The following EDIL3 variants were observed in gnomAD, a reference collection of about 807,000 sequenced individuals.
The protein encoded by EDIL3 is EGF like and discoidin domains 3.
A neutral mutation model predicts 67.4 loss-of-function variants in EDIL3; 37 were observed. The ratio of observed to expected loss-of-function variants is 0.55; its 90% CI spans 0.42 to 0.72. EDIL3 has a LOEUF of 0.72. EDIL3 is among the 30% of genes least tolerant of loss of function. The pLI is 0.00. For synonymous variants in EDIL3, 195 were observed against 196.3 expected, an observed-to-expected ratio of 0.99 and a Z score of 0.05; for missense variants, 527 against 586.3, an observed-to-expected ratio of 0.90 and a Z score of 1.04.
At chr5:83,994,473 T>C (rs1253351865) in intron 9 of EDIL3, among the ~76,000 whole-genome samples, 3 of 152,132 alleles carry the variant, frequency 2.0e-5, no homozygotes, top group African/African-American at 4.8e-5. Context: ...TTCAAAAATC[T>C]ATTTTTTCTC....
intron 9 of EDIL3, among the ~76,000 whole-genome samples, chr5:83,985,088 T>C (rs1745037135): frequency 6.6e-6 from 1 of 151,984 alleles, no homozygotes; most frequent in African/African-American, 2.4e-5. Context: ...CATTCCAGCC[T>C]AAATAAAAGG....
intron 1 of EDIL3, 37 bp downstream of exon 1, chr5:84,384,271 C>T (rs542178093): frequency 6.2e-7 from 1 of 1,601,482 alleles, no homozygotes; most frequent in Admixed American, 1.7e-5. Context: ...ACTCCCAGCC[C>T]ATCCCTCACC....
chr5:83,943,552 A>C lies in EDIL3; in HGVS notation c.1310T>G (p.Phe437Cys), dbSNP rs201681404. The C allele has an allele frequency of 3.0e-5, 49 of 1,612,200 alleles. No individual in the cohort carries two copies. In the East Asian group the frequency reaches 1.1e-3, roughly 35 times the overall value. The change falls in exon 11 of 11, where the codon TTT becomes TGT. Residue 437 changes from phenylalanine (F) to cysteine (C), a missense_variant. Coordinates refer to ENST00000296591, the MANE Select transcript of EDIL3 (RefSeq NM_005711.5). ...ATTTTTTCTGTGAGTGTCATTGTCA[A>C]AATTTCCCTGGAAAACCTAATAAAG... ...QRKDKVFQGN[F>C]DNDTHRKNVI...
Position 84,291,301 on chromosome 5 carries a change from C to T in EDIL3, c.68-37089G>A, listed in dbSNP as rs115569869. Among the ~76,000 whole-genome samples the T allele has an allele frequency of 5.5e-3, 835 of 152,198 alleles. 10 individuals carry two copies. The highest frequency in any genetic ancestry group is 0.019 in the African/African-American group (777 of 41,528). ...ATTAGGACATTTAATTTTATTTTAG[C>T]TATATTTACACACACATGAATGCAC... On this transcript the variant is annotated intron_variant, in intron 1 of 10. Coordinates refer to ENST00000296591, the MANE Select transcript of EDIL3 (RefSeq NM_005711.5).
Position 84,029,963 on chromosome 5 carries a change from T to A in EDIL3, c.1137+30337A>T, listed in dbSNP as rs113522642. On this transcript the variant is annotated intron_variant, in intron 9 of 10. Transcript: ENST00000296591. ...TCAGAAAAACTTTGTTTAAGGAAGA[T>A]AAATCTAATAATTAGAATAATCCAG... Among the ~76,000 whole-genome samples the A allele has an allele frequency of 5.1e-3, 783 of 152,290 alleles. 4 individuals carry two copies. Among genetic ancestry groups the A allele is most frequent in the African/African-American group, 0.016 (679 of 41,582 alleles).
At chr5:84,142,029 A>C (rs1408073626) in intron 4 of EDIL3, among the ~76,000 whole-genome samples, 2 of 147,186 alleles carry the variant, frequency 1.4e-5, no homozygotes, top group Non-Finnish European at 3.0e-5. Context: ...TAGGCAATTC[A>C]CCTTATGCAC....
chr5:84,206,124 G>A (rs1238985645), intron 3 of EDIL3, among the ~76,000 whole-genome samples: 123 of 150,358 alleles, frequency 8.2e-4, no homozygotes, highest in Non-Finnish European at 1.3e-3. Flanking sequence ...CTTTGTTCTC[G>A]TTGGTTTCAA....
At chr5:84,070,912 G>T (rs772994848) in intron 6 of EDIL3, among the ~76,000 whole-genome samples, 20 of 152,142 alleles carry the variant, frequency 1.3e-4, no homozygotes, top group Non-Finnish European at 2.1e-4. Context: ...GCTCATAAAG[G>T]TTATCAGGCT....
intron 9 of EDIL3, among the ~76,000 whole-genome samples, chr5:84,057,439 CACAAATA>C (rs1169848799): frequency 2.0e-5 from 3 of 151,968 alleles, no homozygotes; most frequent in Admixed American, 1.3e-4. Flanking sequence ...CATTATGACT[CACAAATA>C]ACATTAGCGA....
At chr5:83,947,615 C>T (rs892193382) in intron 10 of EDIL3, among the ~76,000 whole-genome samples, 5 of 151,772 alleles carry the variant, frequency 3.3e-5, no homozygotes, top group African/African-American at 1.2e-4. Flanking sequence ...CTATCAATAA[C>T]TTTTCCCTCT....
chr5:84,115,909 T>C (rs892601602), intron 5 of EDIL3, among the ~76,000 whole-genome samples: 2 of 152,224 alleles, frequency 1.3e-5, no homozygotes, highest in Non-Finnish European at 2.9e-5. Context: ...ATACAGTGCT[T>C]GTAGAAGACA....
intron 3 of EDIL3, among the ~76,000 whole-genome samples, chr5:84,211,006 C>T (rs1051031370): frequency 2.0e-5 from 3 of 152,168 alleles, no homozygotes; most frequent in African/African-American, 7.2e-5. Flanking sequence ...ACCCCGCCCC[C>T]CAACCAAAAT....
chr5:84,065,396 C>G (rs929555219), intron 7 of EDIL3, among the ~76,000 whole-genome samples: 2 of 152,090 alleles, frequency 1.3e-5, no homozygotes, highest in African/African-American at 4.8e-5. Context: ...ATGTTTGCCT[C>G]TAAAATTCAA....
At chr5:84,069,327 A>C (rs1746694570) in intron 6 of EDIL3, among the ~76,000 whole-genome samples, 1 of 152,158 alleles carries the variant, frequency 6.6e-6, no homozygotes, top group Non-Finnish European at 1.5e-5. Flanking sequence ...ACATATGCTA[A>C]GGGTATGCAG....
rs116653826 is a variant in EDIL3, at chr5:84,020,627, A to G, written c.1137+39673T>C. On this transcript the variant is annotated intron_variant, in intron 9 of 10. Coordinates refer to ENST00000296591, the MANE Select transcript of EDIL3 (RefSeq NM_005711.5). ...ATAGCCACCCCTCCCGCCGACACAC[A>G]CACACATACACACTTTGGTATTGAG... 5.0e-3 allele frequency among the ~76,000 whole-genome samples: 756 copies of G among 152,108 alleles called. 2 individuals carry two copies. The highest frequency in any genetic ancestry group is 0.012 in the Admixed American group (185 of 15,228).
At chr5:84,103,527 AC>A (rs1747405744) in intron 6 of EDIL3, among the ~76,000 whole-genome samples, 2 of 147,336 alleles carry the variant, frequency 1.4e-5, no homozygotes, top group African/African-American at 5.4e-5. Context: ...AAGAAAAAAA[AC>A]AAACAACTTC....
chr5:84,176,201 ATATATATATAT>A (rs1561453771), intron 4 of EDIL3, among the ~76,000 whole-genome samples: 2,320 of 9,176 alleles, frequency 0.25, 99 homozygotes, highest in African/African-American at 0.44. Context: ...TATATATAAT[ATATATATATAT>A]ATATATATAT....
At chr5:84,182,817 T>C (rs1446398677) in intron 3 of EDIL3, among the ~76,000 whole-genome samples, 7 of 152,130 alleles carry the variant, frequency 4.6e-5, no homozygotes, top group Non-Finnish European at 1.0e-4. Context: ...TGATTTTTTT[T>C]TTTTGTCAGC....
intron 4 of EDIL3, among the ~76,000 whole-genome samples, chr5:84,159,284 A>G: frequency 6.6e-6 from 1 of 152,096 alleles, no homozygotes; most frequent in Non-Finnish European, 1.5e-5. Flanking sequence ...AGTCATTGTT[A>G]CAGGTATTTC....
Sources: gnomAD v4.1 joint callset for allele counts (sites outside exome capture counted in the v4.1 genomes callset) on GRCh38, gnomAD v4.1.1 for gene constraint, MANE v1.5 for transcripts, NCBI Gene and HGNC (gene_info 2026-07-23, HGNC 2026-07-21) for gene names.